The following IQCM variants were observed in gnomAD, a reference collection of about 807,000 sequenced individuals.
The protein encoded by IQCM is IQ domain-containing protein M.
In IQCM, 45 loss-of-function variants were observed where a neutral mutation model predicts 57.6. The ratio of observed to expected loss-of-function variants is 0.78; its 90% CI spans 0.62 to 1.00. The LOEUF (loss-of-function observed/expected upper bound fraction) is 1.00. IQCM is among the 50% of genes least tolerant of loss of function. The pLI, the probability that IQCM is intolerant of heterozygous loss-of-function variation, is 0.00. For missense variants in IQCM, 468 were observed against 511.6 expected (o/e 0.91, Z 0.82); for synonymous variants, 148 against 158.9 (o/e 0.93, Z 0.51).
intron 12 of IQCM, among the ~76,000 whole-genome samples, chr4:149,496,956 C>T (rs1270254623): frequency 1.3e-5 from 2 of 152,146 alleles, no homozygotes; most frequent in South Asian, 2.1e-4. Context: ...TATTGGAGGG[C>T]ACAAAAACAA....
chr4:149,578,684 G>A (rs998081313), intron 9 of IQCM, among the ~76,000 whole-genome samples: 2 of 151,762 alleles, frequency 1.3e-5, no homozygotes, highest in East Asian at 1.9e-4. Context: ...AGATTATAGG[G>A]CTCCAGAAAA....
chr4:149,476,803 C>G (rs893626632), intron 12 of IQCM, among the ~76,000 whole-genome samples: 4 of 152,064 alleles, frequency 2.6e-5, no homozygotes, highest in Non-Finnish European at 2.9e-5. Context: ...GGAGGGTAAA[C>G]TTGCCCATTC....
chr4:149,767,354 A>G (rs906833270), intron 2 of IQCM, among the ~76,000 whole-genome samples: 1 of 152,102 alleles, frequency 6.6e-6, no homozygotes, highest in Admixed American at 6.6e-5. Context: ...AGTTTTGTGT[A>G]TCAAAGAGAA....
At chr4:149,366,670 A>C (rs1158104129) in intron 13 of IQCM, among the ~76,000 whole-genome samples, 1 of 151,926 alleles carries the variant, frequency 6.6e-6, no homozygotes, top group Non-Finnish European at 1.5e-5. Context: ...AACAGCATGA[A>C]GAGCTACACC....
chr4:149,757,695 T>C (rs1007287049), intron 2 of IQCM, among the ~76,000 whole-genome samples: 1 of 151,870 alleles, frequency 6.6e-6, no homozygotes, highest in African/African-American at 2.4e-5. Context: ...ACACACAAAT[T>C]AGAAAGGATT....
intron 7 of IQCM, among the ~76,000 whole-genome samples, chr4:149,635,130 C>G (rs889274686): frequency 2.0e-4 from 30 of 152,142 alleles, no homozygotes; most frequent in African/African-American, 7.2e-4. Context: ...ATCAGACTCA[C>G]AGCAAAACAT....
At chr4:149,737,109 T>A (rs1441642631) in intron 3 of IQCM, among the ~76,000 whole-genome samples, 1 of 152,198 alleles carries the variant, frequency 6.6e-6, no homozygotes, top group Non-Finnish European at 1.5e-5. Context: ...GTTCCACTTA[T>A]ACAAAGTTCT....
At chr4:149,546,359 G>A (rs1343921669) in intron 12 of IQCM, among the ~76,000 whole-genome samples, 1 of 152,118 alleles carries the variant, frequency 6.6e-6, no homozygotes, top group Admixed American at 6.5e-5. Context: ...TGGGTCAAAT[G>A]GTATTTCTAG....
intron 13 of IQCM, among the ~76,000 whole-genome samples, chr4:149,359,324 G>T (rs1422738738): frequency 6.6e-6 from 1 of 152,076 alleles, no homozygotes; most frequent in Non-Finnish European, 1.5e-5. Flanking sequence ...AAGTTATACA[G>T]ATAGAAATAC....
At chr4:149,356,898 C>G (rs368116132) in intron 13 of IQCM, among the ~76,000 whole-genome samples, 16 of 152,146 alleles carry the variant, frequency 1.1e-4, no homozygotes, top group East Asian at 9.7e-4. Flanking sequence ...TCTTCCATTT[C>G]TTTGTATCCT....
At chr4:149,626,404 T>TATATATATATATATATATATATAA (rs1372720158) in intron 7 of IQCM, among the ~76,000 whole-genome samples, 2 of 119,620 alleles carry the variant, frequency 1.7e-5, no homozygotes, top group Middle Eastern at 4.6e-3. Flanking sequence ...TATATATATA[T>TATATATATATATATATATATATAA]AAGTTTATAG....
intron 12 of IQCM, among the ~76,000 whole-genome samples, chr4:149,535,504 A>G (rs1747201957): frequency 6.6e-6 from 1 of 152,068 alleles, no homozygotes; most frequent in Admixed American, 6.6e-5. Flanking sequence ...GAGATCTAAC[A>G]AAAGGAACCA....
chr4:149,378,557 A>G (rs1730855026), intron 13 of IQCM, among the ~76,000 whole-genome samples: 1 of 152,028 alleles, frequency 6.6e-6, no homozygotes, highest in African/African-American at 2.4e-5. Flanking sequence ...CTTTTTTGAG[A>G]TTTGTCTGAC....
chr4:149,475,485 G>A (rs971793944), intron 12 of IQCM, among the ~76,000 whole-genome samples: 2 of 152,052 alleles, frequency 1.3e-5, no homozygotes, highest in African/African-American at 4.8e-5. Context: ...AGAGACTCTG[G>A]GCTAGAACTA....
At chr4:149,753,864 G>A (rs182910070) in intron 2 of IQCM, among the ~76,000 whole-genome samples, 15 of 151,120 alleles carry the variant, frequency 9.9e-5, no homozygotes, top group Admixed American at 7.3e-4. Context: ...TTGAAGTATC[G>A]TATAGAAAAA....
intron 13 of IQCM, among the ~76,000 whole-genome samples, chr4:149,366,798 G>A (rs963280287): frequency 6.6e-6 from 1 of 151,808 alleles, no homozygotes; most frequent in Non-Finnish European, 1.5e-5. Context: ...TGGCAGAATG[G>A]ATGTGTTCCT....
chr4:149,671,161 C>T (rs1761242188), intron 7 of IQCM, among the ~76,000 whole-genome samples: 1 of 152,064 alleles, frequency 6.6e-6, no homozygotes, highest in East Asian at 1.9e-4. Context: ...AATTTCAGAG[C>T]TTGTAATTGG....
chr4:149,608,665 G>T lies in IQCM; in HGVS notation c.681+12464C>A, dbSNP rs545722245. The stretch of plus-strand genomic sequence containing the variant: ...TTAATATATTCCCAAATGACTAGTG[G>T]GTCAATTAAAAAATTAAGAAACAAA... On this transcript the variant is annotated intron_variant, in intron 8 of 13. Transcript: ENST00000636793. Among the ~76,000 whole-genome samples, 8 of 151,478 alleles carry T rather than the reference G, an allele frequency of 5.3e-5. No homozygotes were observed. In the South Asian group the frequency reaches 1.5e-3, roughly 28 times the overall value.
In IQCM at chr4:149,547,528, T is replaced by A. The variant is rs72955479; in HGVS notation, c.1228+927A>T. ...GAGATGTTGGTCAAAACATACAAAC[T>A]TTTTGTCTTTCAGTTTGAAAGACAA... is the stretch of plus-strand genomic sequence containing the variant. On this transcript the variant is annotated intron_variant, in intron 12 of 13. Transcript: ENST00000636793. 2.2e-3 allele frequency among the ~76,000 whole-genome samples: 335 copies of A among 152,202 alleles called. 1 individual carries two copies. The highest frequency in any genetic ancestry group is 7.6e-3 in the African/African-American group (315 of 41,490).
Sources: gnomAD v4.1 joint callset for allele counts (sites outside exome capture counted in the v4.1 genomes callset) on GRCh38, gnomAD v4.1.1 for gene constraint, MANE v1.5 for transcripts, NCBI Gene and HGNC (gene_info 2026-07-23, HGNC 2026-07-21) for gene names.